Variants in TRAPPC6B observed in about 807,000 individuals in gnomAD.
TRAPPC6B encodes trafficking protein particle complex subunit 6B, also known as TRAPP complex subunit 6B.
In TRAPPC6B, 27 loss-of-function variants were observed where a neutral mutation model predicts 24.7. The observed-to-expected ratio is 1.09, with a 90% CI of 0.81 to 1.51. The LOEUF (loss-of-function observed/expected upper bound fraction) is 1.51. TRAPPC6B is among the 40% of genes most tolerant of loss of function. The pLI, the probability that TRAPPC6B is intolerant of heterozygous loss-of-function variation, is 0.00. For missense variants in TRAPPC6B, 212 were observed against 190.8 expected (o/e 1.11, Z -0.66); for synonymous variants, 80 against 66.6 (o/e 1.20, Z -0.98).
At chr14:39,151,915 A>G (rs961765777) in intron 4 of TRAPPC6B, 76 bp from the exon 5 acceptor site, 114 of 952,804 alleles carry the variant, frequency 1.2e-4, no homozygotes, top group Admixed American at 1.0e-4. Context: ...ACAACATTAC[A>G]TGATTTATCA....
chr14:39,164,450 C>T (rs2053088107), intron 1 of TRAPPC6B, among the ~76,000 whole-genome samples: 1 of 151,976 alleles, frequency 6.6e-6, no homozygotes, highest in South Asian at 2.1e-4. Flanking sequence ...CAAGGTCACC[C>T]CATTGCATTC....
chr14:39,168,705 A>G (rs1033846428), intron 1 of TRAPPC6B, among the ~76,000 whole-genome samples: 3 of 151,722 alleles, frequency 2.0e-5, no homozygotes, highest in African/African-American at 7.3e-5. Context: ...TTCAACTCCC[A>G]CTCCCATCCT....
intron 3 of TRAPPC6B, among the ~76,000 whole-genome samples, chr14:39,158,071 T>C (rs1327222733): frequency 6.6e-6 from 1 of 152,196 alleles, no homozygotes; most frequent in Non-Finnish European, 1.5e-5. Context: ...TAGCATATAA[T>C]TGGGTGAAAG....
chr14:39,169,292 T>G (rs1402113102), intron 1 of TRAPPC6B, among the ~76,000 whole-genome samples: 3 of 152,124 alleles, frequency 2.0e-5, no homozygotes, highest in Non-Finnish European at 4.4e-5. Flanking sequence ...TATCTAGCAG[T>G]GTCAGCAGTG....
chr14:39,160,652 G>C (rs1425876360), intron 1 of TRAPPC6B, among the ~76,000 whole-genome samples: 1 of 151,500 alleles, frequency 6.6e-6, no homozygotes, highest in Non-Finnish European at 1.5e-5. Flanking sequence ...AAGGGAGAAA[G>C]AGAGAGAGAA....
At chr14:39,155,027 T>A (rs1400593848) in intron 3 of TRAPPC6B, among the ~76,000 whole-genome samples, 1 of 151,998 alleles carries the variant, frequency 6.6e-6, no homozygotes, top group African/African-American at 2.4e-5. Context: ...ACCTGGGTGT[T>A]TAGCAATTCT....
intron 1 of TRAPPC6B, among the ~76,000 whole-genome samples, chr14:39,162,324 A>ATT (rs796943468): frequency 3.5e-5 from 5 of 141,884 alleles, no homozygotes; most frequent in African/African-American, 1.3e-4. Flanking sequence ...ATGCCTGGCT[A>ATT]TTTTTTTTTT....
chr14:39,167,661 A>T (rs2053121836), intron 1 of TRAPPC6B, among the ~76,000 whole-genome samples: 1 of 152,202 alleles, frequency 6.6e-6, no homozygotes, highest in South Asian at 2.1e-4. Flanking sequence ...GAAGACTACC[A>T]CATAACTGTT....
intron 5 of TRAPPC6B, 107 bp from the exon 6 acceptor site, chr14:39,150,488 C>T: frequency 1.2e-6 from 1 of 803,802 alleles, no homozygotes; most frequent in East Asian, 2.7e-5. Flanking sequence ...AAGAAATCTG[C>T]TATGTCAAAA....
rs530960551 is a variant in TRAPPC6B, at chr14:39,170,069, A to T, written c.27T>A (p.Leu9=). The T allele has an allele frequency of 1.2e-6, 2 of 1,613,984 alleles. No individual in the cohort carries two copies. The highest frequency in any genetic ancestry group is 1.7e-6 in the Non-Finnish European group (2 of 1,179,972). MADEALFL[L]LHNEMVSGVY... ...CTCCAGACACCATCTCGTTATGGAGAAGCAAAAACAACGCCTCATCCGCCA... is the reference window on the plus strand; with the variant it reads ...CTCCAGACACCATCTCGTTATGGAGTAGCAAAAACAACGCCTCATCCGCCA... Residue 9 remains leucine, a synonymous_variant, in exon 1 of 6, where the codon CTT becomes CTA. Transcript: ENST00000330149.
At chr14:39,164,202 CAT>C (rs1442670822) in intron 1 of TRAPPC6B, among the ~76,000 whole-genome samples, 1 of 152,054 alleles carries the variant, frequency 6.6e-6, no homozygotes, top group Non-Finnish European at 1.5e-5. Flanking sequence ...TAAAAAAAAT[CAT>C]GTTATTCTCG....
At chr14:39,158,152 A>G (rs1284742687) in intron 3 of TRAPPC6B, 133 bp downstream of exon 3, 9 of 588,774 alleles carry the variant, frequency 1.5e-5, no homozygotes, top group Admixed American at 1.1e-4. Flanking sequence ...AAAAAAACTA[A>G]TAACTCATTA....
intron 5 of TRAPPC6B, among the ~76,000 whole-genome samples, chr14:39,151,226 T>TAAAAATACA (rs2052907743): frequency 6.6e-6 from 1 of 151,698 alleles, no homozygotes; most frequent in Non-Finnish European, 1.5e-5. Context: ...CCATCTCTAC[T>TAAAAATACA]AAAAATACAA....
At chr14:39,158,476 T>C in intron 2 of TRAPPC6B, 74 bp from the exon 3 acceptor site, 1 of 760,626 alleles carries the variant, frequency 1.3e-6, no homozygotes, top group South Asian at 1.7e-5. Flanking sequence ...ATTAACTAAT[T>C]TCCAAATGCC....
Position 39,150,248 on chromosome 14 carries a change from G to C in TRAPPC6B, c.*102C>G. On this transcript the variant is annotated 3_prime_UTR_variant, in exon 6 of 6. Coordinates refer to ENST00000330149, the MANE Select transcript of TRAPPC6B (RefSeq NM_001079537.2). Reference sequence around the variant, plus strand: ...TTGATAAAAATACATGCTTACTCCTGTACAAACATCGAACAATGTAATTAA... The same window carrying C: ...TTGATAAAAATACATGCTTACTCCTCTACAAACATCGAACAATGTAATTAA... 9.9e-7 allele frequency: 1 copy of C among 1,007,122 alleles called. No homozygotes were observed. Among genetic ancestry groups the C allele is most frequent in the Non-Finnish European group, 1.5e-6 (1 of 680,784 alleles). The allele number at this position is 1,007,122 out of a possible 1,614,324, so 62.4% of individuals were successfully genotyped here.
Position 39,150,380 on chromosome 14 carries a change from G to T in TRAPPC6B, c.447C>A (p.Cys149Ter). 1.3e-6 allele frequency: 2 copies of T among 1,571,134 alleles called. No individual in the cohort carries two copies. Residue 149 changes from cysteine (C) to a stop codon, truncating the protein, a stop_gained and splice_region_variant, in exon 6 of 6, where the codon TGC becomes TGA. Transcript: ENST00000330149. LOFTEE classifies it high-confidence loss of function. ...VTAEVSSMPA[C>*]KFQVMIQKL ...GCTTCTGTATCATCACCTGAAATTT[G>T]CCTAAAAAAAAAAATACAAATAATT...
chr14:39,161,166 T>C (rs1050700630), intron 1 of TRAPPC6B, among the ~76,000 whole-genome samples: 8 of 152,252 alleles, frequency 5.3e-5, no homozygotes, highest in African/African-American at 1.9e-4. Flanking sequence ...CTGCAAGTTA[T>C]ACTGTGGTTA....
chr14:39,155,827 G>A (rs952913973), intron 3 of TRAPPC6B, among the ~76,000 whole-genome samples: 10 of 152,158 alleles, frequency 6.6e-5, no homozygotes, highest in Middle Eastern at 3.4e-3. Context: ...GTGAGCCACC[G>A]CGCCCAGCTT....
intron 1 of TRAPPC6B, among the ~76,000 whole-genome samples, chr14:39,164,199 A>T (rs914226277): frequency 6.6e-6 from 1 of 152,174 alleles, no homozygotes; most frequent in African/African-American, 2.4e-5. Context: ...TTCTAAAAAA[A>T]ATCATGTTAT....
Sources: gnomAD v4.1 joint callset for allele counts (sites outside exome capture counted in the v4.1 genomes callset) on GRCh38, gnomAD v4.1.1 for gene constraint, MANE v1.5 for transcripts, NCBI Gene and HGNC (gene_info 2026-07-23, HGNC 2026-07-21) for gene names.